RPS6KC1: variants seen among roughly 807,000 people sequenced by gnomAD.
RPS6KC1 encodes the protein ribosomal protein S6 kinase C1, also known as inactive ribosomal protein S6 kinase delta-1.
A neutral mutation model predicts 103.8 loss-of-function variants in RPS6KC1; 54 were observed. The observed-to-expected ratio is 0.52, with a 90% CI of 0.42 to 0.65. The LOEUF (loss-of-function observed/expected upper bound fraction) is 0.65. Among genes scored for constraint, RPS6KC1 ranks in the 30% least tolerant of loss-of-function variants. RPS6KC1 has a pLI of 0.00. For missense variants in RPS6KC1, 1,151 were observed against 1,253.8 expected (o/e 0.92, Z 1.24); for synonymous variants, 439 against 438.7 (o/e 1.00, Z -0.01).
chr1:213,820,829 G>A, the RPS6KC1 span: 1 of 152,052 alleles, frequency 6.6e-6, no homozygotes, highest in South Asian at 2.1e-4. Flanking sequence ...TTTTGGATGA[G>A]AGCCAACCAC....
chr1:213,793,856 C>T, the RPS6KC1 span, among the ~76,000 whole-genome samples: 29 of 152,066 alleles, frequency 1.9e-4, no homozygotes, highest in South Asian at 5.0e-3. Flanking sequence ...GTGTGTAGGG[C>T]GGAAAGGGTT....
intron 5 of RPS6KC1, among the ~76,000 whole-genome samples, chr1:213,124,318 G>A (rs966511674): frequency 6.6e-6 from 1 of 152,170 alleles, no homozygotes; most frequent in African/African-American, 2.4e-5. Context: ...TAAGTATGGG[G>A]TTGACTTCAG....
At chr1:213,295,241 A>G in the RPS6KC1 span, among the ~76,000 whole-genome samples, 1 of 152,192 alleles carries the variant, frequency 6.6e-6, no homozygotes. Context: ...TTTGTATTTT[A>G]TGTTACCTGA....
At chr1:213,609,040 T>C in the RPS6KC1 span, among the ~76,000 whole-genome samples, 1 of 152,096 alleles carries the variant, frequency 6.6e-6, no homozygotes, top group African/African-American at 2.4e-5. Context: ...TAGTATATAG[T>C]AGAAAAATAA....
intron 7 of RPS6KC1, 115 bp from the exon 8 acceptor site, chr1:213,176,285 C>T: frequency 1.9e-6 from 1 of 528,986 alleles, no homozygotes; most frequent in Non-Finnish European, 3.3e-6. Context: ...TTTCATCTTT[C>T]CATTCTCTGA....
At chr1:213,232,532 T>G (rs980139083) in intron 10 of RPS6KC1, among the ~76,000 whole-genome samples, 1 of 152,224 alleles carries the variant, frequency 6.6e-6, no homozygotes, top group Non-Finnish European at 1.5e-5. Flanking sequence ...TTAATATGAA[T>G]GTGTGCTAAG....
chr1:213,629,843 A>G, the RPS6KC1 span, among the ~76,000 whole-genome samples: 1 of 152,098 alleles, frequency 6.6e-6, no homozygotes, highest in African/African-American at 2.4e-5. Context: ...TCACTTATGA[A>G]GCTTAGTTTG....
chr1:213,190,778 T>G (rs2092717485), intron 8 of RPS6KC1, among the ~76,000 whole-genome samples: 1 of 152,218 alleles, frequency 6.6e-6, no homozygotes, highest in African/African-American at 2.4e-5. Context: ...TTTCATAGCT[T>G]GAGGGATTAA....
the RPS6KC1 span, among the ~76,000 whole-genome samples, chr1:213,784,404 T>C: frequency 6.6e-6 from 1 of 152,212 alleles, no homozygotes; most frequent in African/African-American, 2.4e-5. Flanking sequence ...TGATTTGGTT[T>C]CTCCCAAGAA....
At chr1:213,659,139 A>G in the RPS6KC1 span, among the ~76,000 whole-genome samples, 1 of 151,698 alleles carries the variant, frequency 6.6e-6, no homozygotes, top group Non-Finnish European at 1.5e-5. Flanking sequence ...TAGTTTTTGT[A>G]CTTTTAGCAG....
the RPS6KC1 span, among the ~76,000 whole-genome samples, chr1:213,642,615 T>G: frequency 6.6e-6 from 1 of 152,062 alleles, no homozygotes; most frequent in Non-Finnish European, 1.5e-5. Flanking sequence ...ATGTGACAAA[T>G]AGTTTTTATC....
chr1:213,366,188 A>G, the RPS6KC1 span, among the ~76,000 whole-genome samples: 70,019 of 152,150 alleles, frequency 0.46, 19,221 homozygotes, highest in African/African-American at 0.77. Context: ...TAGGGACCAG[A>G]TAACCTGGCG....
the RPS6KC1 span, among the ~76,000 whole-genome samples, chr1:213,838,982 G>A: frequency 6.6e-6 from 1 of 152,156 alleles, no homozygotes; most frequent in Non-Finnish European, 1.5e-5. Context: ...TAGCAATATG[G>A]TGTCTGTAAG....
chr1:213,363,749 CTCTT>C, the RPS6KC1 span, among the ~76,000 whole-genome samples: 6,439 of 60,632 alleles, frequency 0.11, 1,257 homozygotes, highest in African/African-American at 0.33. Flanking sequence ...TCTCTTCTTT[CTCTT>C]TCTCTCTTCT....
chr1:213,729,063 A>G, the RPS6KC1 span, among the ~76,000 whole-genome samples: 1 of 150,712 alleles, frequency 6.6e-6, no homozygotes, highest in Non-Finnish European at 1.5e-5. Flanking sequence ...AAATATGTCC[A>G]AAGTGCTTAG....
At chr1:213,071,234 A>G (rs541711175) in intron 2 of RPS6KC1, among the ~76,000 whole-genome samples, 193 bp downstream of exon 2, 1 of 152,124 alleles carries the variant, frequency 6.6e-6, no homozygotes, top group Admixed American at 6.5e-5. Flanking sequence ...GGTTCAAGTG[A>G]TTCTCCTGCC....
Position 213,128,003 on chromosome 1 carries a change from A to C in RPS6KC1, c.473-1524A>C, listed in dbSNP as rs138069627. The stretch of plus-strand genomic sequence containing the variant: ...TCATTCATAGGATTTTATATTCCAC[A>C]TTACAACTAAGCTTTAAAAACCTAT... On this transcript the variant is annotated intron_variant, in intron 5 of 14. Transcript: ENST00000366960. 3.9e-3 allele frequency among the ~76,000 whole-genome samples: 588 copies of C among 152,328 alleles called. 4 individuals are homozygous for C. The highest frequency in any genetic ancestry group is 0.014 in the African/African-American group (571 of 41,586).
chr1:213,702,301 A>T, the RPS6KC1 span, among the ~76,000 whole-genome samples: 1 of 151,942 alleles, frequency 6.6e-6, no homozygotes, highest in Non-Finnish European at 1.5e-5. Context: ...TTTAATTTTT[A>T]AAAAATGTTT....
the RPS6KC1 span, among the ~76,000 whole-genome samples, chr1:213,769,258 T>C: frequency 1.2e-4 from 18 of 152,292 alleles, no homozygotes; most frequent in East Asian, 2.1e-3. Flanking sequence ...TGAAAGGTCA[T>C]TTTTGAAATT....
Sources: allele counts gnomAD v4.1 joint callset (sites outside exome capture counted in the v4.1 genomes callset), GRCh38; gene constraint gnomAD v4.1.1; transcripts MANE v1.5; gene names NCBI Gene and HGNC (gene_info 2026-07-23, HGNC 2026-07-21).